The following NTN4 variants were observed in gnomAD, a reference collection of about 807,000 sequenced individuals.
NTN4 encodes netrin 4.
A neutral mutation model predicts 73.6 loss-of-function variants in NTN4; 32 were observed. That is an observed-to-expected ratio of 0.44 (90% confidence interval 0.33 to 0.58). The LOEUF (loss-of-function observed/expected upper bound fraction) is 0.58. Ranked by LOEUF, NTN4 falls within the 20% of genes least tolerant of loss-of-function variation. The pLI is 0.04. For synonymous variants in NTN4, 258 were observed against 287.5 expected (o/e 0.90, Z 1.04); for missense variants, 654 against 798.3 (o/e 0.82, Z 2.18).
intron 2 of NTN4, among the ~76,000 whole-genome samples, chr12:95,769,746 T>A (rs1259354123): frequency 7.2e-6 from 1 of 139,390 alleles, no homozygotes; most frequent in African/African-American, 2.6e-5. Flanking sequence ...AAATTAGGTT[T>A]CAATCTTTTT....
At chr12:95,680,016 A>G (rs907224630) in intron 7 of NTN4, among the ~76,000 whole-genome samples, 16 of 152,036 alleles carry the variant, frequency 1.1e-4, no homozygotes, top group Non-Finnish European at 7.4e-5. Context: ...TTCCCCTCAA[A>G]TGTCACCTTT....
At chr12:95,731,678 TC>T (rs2121154770) in intron 3 of NTN4, among the ~76,000 whole-genome samples, 1 of 152,290 alleles carries the variant, frequency 6.6e-6, no homozygotes, top group South Asian at 2.1e-4. Flanking sequence ...GAACCCAGCC[TC>T]ATCGCCCCTG....
intron 2 of NTN4, among the ~76,000 whole-genome samples, chr12:95,751,515 A>G (rs1469959676): frequency 2.9e-4 from 44 of 151,324 alleles, no homozygotes; most frequent in African/African-American, 8.3e-4. Context: ...CCTAAGCCGC[A>G]TCCCATCTGT....
intron 3 of NTN4, among the ~76,000 whole-genome samples, chr12:95,732,396 CTTT>C (rs35575824): frequency 0.35 from 39,335 of 111,986 alleles, 7,152 homozygotes; most frequent in Non-Finnish European, 0.44. Context: ...CTTTCTTCCT[CTTT>C]TTTTTTTTTT....
At chr12:95,738,246 G>T in intron 2 of NTN4, 102 bp from the exon 3 acceptor site, 1 of 1,105,304 alleles carries the variant, frequency 9.0e-7, no homozygotes, top group Non-Finnish European at 1.3e-6. Context: ...TATGTCATCT[G>T]TGAACGATAA....
intron 2 of NTN4, among the ~76,000 whole-genome samples, chr12:95,778,461 A>T (rs562248229): frequency 6.6e-6 from 1 of 152,302 alleles, no homozygotes; most frequent in Non-Finnish European, 1.5e-5. Flanking sequence ...TAGACACAAT[A>T]AAAAATGATA....
intron 2 of NTN4, among the ~76,000 whole-genome samples, chr12:95,782,374 C>G (rs970594538): frequency 5.3e-5 from 8 of 151,950 alleles, no homozygotes; most frequent in African/African-American, 1.9e-4. Context: ...CGGGTCACTG[C>G]AACCTCCGCC....
At chr12:95,712,787 C>CTTTCTTT (rs2078573995) in intron 4 of NTN4, among the ~76,000 whole-genome samples, 1 of 105,734 alleles carries the variant, frequency 9.5e-6, no homozygotes, top group Non-Finnish European at 1.8e-5. Context: ...TTCTTTCTTT[C>CTTTCTTT]TTTTTTTTTT....
At chr12:95,780,098 T>C (rs948722233) in intron 2 of NTN4, among the ~76,000 whole-genome samples, 4 of 152,170 alleles carry the variant, frequency 2.6e-5, no homozygotes, top group Admixed American at 6.5e-5. Flanking sequence ...GCTAGCCATA[T>C]GTAGAAAGCT....
intron 5 of NTN4, among the ~76,000 whole-genome samples, chr12:95,697,227 C>T (rs2468365): frequency 1.3e-5 from 2 of 151,970 alleles, no homozygotes; most frequent in Non-Finnish European, 2.9e-5. Context: ...GGGACATTCT[C>T]CACCCGTAAG....
chr12:95,737,154 A>G (rs2078783818), intron 3 of NTN4, among the ~76,000 whole-genome samples: 1 of 152,176 alleles, frequency 6.6e-6, no homozygotes, highest in Admixed American at 6.5e-5. Flanking sequence ...CGGGGAGGTA[A>G]GGACAGATAA....
At position 95,790,472 on chromosome 12, in the gene NTN4, G is replaced by T; in HGVS notation, c.-163C>A. ...GGTCAGCGGTCGCCGGCAGCTGGGA[G>T]CCAGGGGCCGGGACCGCGCGGGGAG... On this transcript the variant is annotated 5_prime_UTR_variant, in exon 1 of 10. Transcript: ENST00000343702. The surrounding 1 kb of genome is among the most constrained non-coding windows in gnomAD (Gnocchi z 6.5). 2 of 563,694 alleles carry T rather than the reference G, an allele frequency of 3.5e-6. No individual in the cohort carries two copies. Among genetic ancestry groups the T allele is most frequent in the East Asian group, 3.6e-5 (1 of 28,098 alleles). The allele number at this position is 563,694 out of a possible 1,614,324, so 34.9% of individuals were successfully genotyped here.
chr12:95,683,857 G>A (rs2078339558), intron 5 of NTN4, 146 bp from the exon 6 acceptor site: 1 of 614,452 alleles, frequency 1.6e-6, no homozygotes, highest in Non-Finnish European at 2.9e-6. Context: ...TATGCTCAGA[G>A]AATGAAAGCT....
intron 8 of NTN4, among the ~76,000 whole-genome samples, chr12:95,667,130 G>A (rs774338129): frequency 6.6e-6 from 1 of 151,974 alleles, no homozygotes; most frequent in Non-Finnish European, 1.5e-5. Context: ...TTTGGGGTCG[G>A]AAAGAAAGTA....
intron 7 of NTN4, chr12:95,672,251 G>T: frequency 1.5e-6 from 1 of 665,088 alleles, no homozygotes; most frequent in Non-Finnish European, 2.8e-6. Flanking sequence ...CAGGGGGCGG[G>T]CTGTGATTCT....
intron 3 of NTN4, among the ~76,000 whole-genome samples, chr12:95,732,396 CTTTT>C (rs35575824): frequency 0.013 from 1,442 of 112,814 alleles, 20 homozygotes; most frequent in Non-Finnish European, 0.017. Flanking sequence ...CTTTCTTCCT[CTTTT>C]TTTTTTTTTT....
intron 2 of NTN4, among the ~76,000 whole-genome samples, chr12:95,774,088 T>C (rs1207701818): frequency 6.6e-6 from 1 of 152,050 alleles, no homozygotes; most frequent in Admixed American, 6.6e-5. Context: ...GCAAAGTGCA[T>C]ACCACCATAT....
In NTN4 at chr12:95,781,043, G is replaced by C. The variant is rs1275008135; in HGVS notation, c.585+5896C>G. Reference sequence around the variant, plus strand: ...AAACCATCATTCTCAGCAAACTATTGCAAGGACAAAAAAACAAACACTGCA... The same window carrying C: ...AAACCATCATTCTCAGCAAACTATTCCAAGGACAAAAAAACAAACACTGCA... On this transcript the variant is annotated intron_variant, in intron 2 of 9. Transcript: ENST00000343702. The surrounding 1 kb of genome is among the most constrained non-coding windows in gnomAD (Gnocchi z 4.1). Among the ~76,000 whole-genome samples, 1 of 94,506 alleles carries C rather than the reference G, an allele frequency of 1.1e-5. No individual in the cohort carries two copies. The highest frequency in any genetic ancestry group is 2.6e-5 in the Non-Finnish European group (1 of 38,558). 62.0% of individuals were successfully genotyped at this position (94,506 alleles called of 152,430 possible). A position where few individuals can be genotyped will look rare whatever the true frequency, so the allele number is the denominator to read the frequency against.
chr12:95,778,950 C>T (rs1289999944), intron 2 of NTN4, among the ~76,000 whole-genome samples: 4 of 152,154 alleles, frequency 2.6e-5, no homozygotes, highest in African/African-American at 4.8e-5. Flanking sequence ...CATCAAAACG[C>T]TTACCCACCA....
Sources: gnomAD v4.1 joint callset for allele counts (sites outside exome capture counted in the v4.1 genomes callset) on GRCh38, gnomAD v4.1.1 for gene constraint, Gnocchi (gnomAD v3.1) non-coding constraint, MANE v1.5 for transcripts, NCBI Gene and HGNC (gene_info 2026-07-23, HGNC 2026-07-21) for gene names.